MTUS2: variants seen among roughly 807,000 people sequenced by gnomAD.
MTUS2 encodes microtubule-associated tumor suppressor candidate 2.
MTUS2 carries 40 observed loss-of-function variants against 114.1 expected under a neutral mutation model. The observed-to-expected ratio is 0.35, with a 90% CI of 0.27 to 0.46. The LOEUF is 0.46. Among genes scored for constraint, MTUS2 ranks in the 20% least tolerant of loss-of-function variants. The pLI, the probability that MTUS2 is intolerant of heterozygous loss-of-function variation, is 1.00. For missense variants in MTUS2, 1,679 were observed against 1,705.4 expected (o/e 0.98, Z 0.27); for synonymous variants, 688 against 672.0 (o/e 1.02, Z -0.37).
chr13:29,473,956 A>G (rs994492977), intron 9 of MTUS2, among the ~76,000 whole-genome samples: 1 of 152,186 alleles, frequency 6.6e-6, no homozygotes, highest in Non-Finnish European at 1.5e-5. Context: ...CCAAATAGAT[A>G]GACTTCTGAA....
intron 5 of MTUS2, among the ~76,000 whole-genome samples, chr13:29,162,716 C>T (rs571746377): frequency 6.6e-6 from 1 of 152,322 alleles, no homozygotes; most frequent in Admixed American, 6.5e-5. Flanking sequence ...TAAAGAACCA[C>T]ATGAGTCTAA....
chr13:29,418,687 C>G (rs1875855927), intron 8 of MTUS2, among the ~76,000 whole-genome samples: 3 of 152,196 alleles, frequency 2.0e-5, no homozygotes. Flanking sequence ...GTTTCCCAGT[C>G]CAGTTACTGT....
At chr13:29,119,564 G>T (rs1288186746) in intron 5 of MTUS2, among the ~76,000 whole-genome samples, 1 of 152,168 alleles carries the variant, frequency 6.6e-6, no homozygotes, top group Admixed American at 6.5e-5. Context: ...ATCTGATTAT[G>T]TAATTAAGGT....
intron 2 of MTUS2, among the ~76,000 whole-genome samples, chr13:29,000,624 C>G (rs532680741): frequency 9.2e-5 from 14 of 152,240 alleles, no homozygotes; most frequent in Non-Finnish European, 2.1e-4. Context: ...TCTTGGCCTC[C>G]CAAAGTGTTA....
At chr13:28,992,000 A>G (rs1884880962) in intron 2 of MTUS2, among the ~76,000 whole-genome samples, 1 of 152,154 alleles carries the variant, frequency 6.6e-6, no homozygotes, top group African/African-American at 2.4e-5. Flanking sequence ...GCTGGCTTTG[A>G]GAGCAGCCAG....
chr13:28,831,408 T>C (rs1874669817), intron 1 of MTUS2, among the ~76,000 whole-genome samples: 1 of 152,168 alleles, frequency 6.6e-6, no homozygotes, highest in Non-Finnish European at 1.5e-5. Context: ...CACACTCACT[T>C]TATATATGAA....
chr13:28,946,272 C>CGTGTGT (rs58873985), intron 2 of MTUS2, among the ~76,000 whole-genome samples: 4 of 149,230 alleles, frequency 2.7e-5, no homozygotes, highest in East Asian at 2.0e-4. Flanking sequence ...TTTCTGTCTG[C>CGTGTGT]GTGTGTGTGT....
intron 2 of MTUS2, among the ~76,000 whole-genome samples, chr13:28,895,924 C>T (rs545192277): frequency 9.9e-5 from 15 of 152,098 alleles, no homozygotes; most frequent in Non-Finnish European, 2.2e-4. Flanking sequence ...TCAGGAAGTT[C>T]TATTGGATAA....
intron 5 of MTUS2, among the ~76,000 whole-genome samples, chr13:29,271,611 T>A (rs569487247): frequency 6.6e-6 from 1 of 152,232 alleles, no homozygotes; most frequent in Non-Finnish European, 1.5e-5. Context: ...GGAGTTTGTG[T>A]TTCTGTCTTG....
intron 5 of MTUS2, among the ~76,000 whole-genome samples, chr13:29,137,431 A>G (rs1892026677): frequency 6.6e-6 from 1 of 151,146 alleles, no homozygotes; most frequent in South Asian, 2.1e-4. Flanking sequence ...ATTTCTTCAT[A>G]TATTCTCTCT....
intron 5 of MTUS2, among the ~76,000 whole-genome samples, chr13:29,120,071 A>T (rs1473207544): frequency 2.0e-5 from 3 of 152,212 alleles, no homozygotes; most frequent in East Asian, 1.9e-4. Context: ...ATTACAATTG[A>T]TATCATGAAA....
At chr13:29,178,143 C>T (rs981324891) in intron 5 of MTUS2, among the ~76,000 whole-genome samples, 1 of 152,142 alleles carries the variant, frequency 6.6e-6, no homozygotes, top group African/African-American at 2.4e-5. Flanking sequence ...TTACAGCGAA[C>T]TACCGGGCAT....
chr13:29,244,770 A>G (rs938861619), intron 5 of MTUS2, among the ~76,000 whole-genome samples: 1 of 150,890 alleles, frequency 6.6e-6, no homozygotes, highest in Non-Finnish European at 1.5e-5. Flanking sequence ...TCCCGGCTAA[A>G]ACGGTGAAAC....
At chr13:29,306,726 C>T (rs1049006750) in intron 6 of MTUS2, 2 of 286,724 alleles carry the variant, frequency 7.0e-6, no homozygotes, top group South Asian at 6.1e-5. Flanking sequence ...TTCTCCTGTT[C>T]GACAGACAGC....
chr13:29,261,055 A>G (rs1897454287), intron 5 of MTUS2, among the ~76,000 whole-genome samples: 1 of 152,210 alleles, frequency 6.6e-6, no homozygotes, highest in African/African-American at 2.4e-5. Flanking sequence ...GTGCTGAACA[A>G]GAAAAAAAGG....
chr13:29,244,929 C>T (rs1371404713), intron 5 of MTUS2, among the ~76,000 whole-genome samples: 11 of 117,044 alleles, frequency 9.4e-5, no homozygotes, highest in African/African-American at 3.7e-4. Flanking sequence ...GCACTCCAGC[C>T]TGGGCGACAG....
At chr13:28,867,025 C>A (rs1877339848) in intron 2 of MTUS2, among the ~76,000 whole-genome samples, 1 of 152,186 alleles carries the variant, frequency 6.6e-6, no homozygotes, top group African/African-American at 2.4e-5. Context: ...ATTCCTAAAT[C>A]CCTGCTGAAC....
chr13:28,936,781 C>T (rs1423957569), intron 2 of MTUS2, among the ~76,000 whole-genome samples: 1 of 152,114 alleles, frequency 6.6e-6, no homozygotes, highest in African/African-American at 2.4e-5. Context: ...AGATGTTGAT[C>T]CTGAAGAGAT....
intron 1 of MTUS2, among the ~76,000 whole-genome samples, chr13:28,831,537 T>C (rs1162531467): frequency 8.6e-6 from 1 of 115,732 alleles, no homozygotes; most frequent in Non-Finnish European, 2.0e-5. Context: ...TCAAAAATTA[T>C]TGCAGAAGAC....
Sources: allele counts gnomAD v4.1 joint callset (sites outside exome capture counted in the v4.1 genomes callset), GRCh38; gene constraint gnomAD v4.1.1; transcripts MANE v1.5; gene names NCBI Gene and HGNC (gene_info 2026-07-23, HGNC 2026-07-21).